Variants in CLBA1 observed in about 807,000 individuals in gnomAD.
CLBA1 encodes the protein uncharacterized protein CLBA1.
A neutral mutation model predicts 28.8 loss-of-function variants in CLBA1; 30 were observed. The ratio of observed to expected loss-of-function variants is 1.04; its 90% CI spans 0.78 to 1.41. The LOEUF is 1.41. CLBA1 is among the 40% of genes most tolerant of loss of function. The probability of loss-of-function intolerance (pLI) is 0.00; values close to 1 mark genes in which losing one functional copy is unlikely to be tolerated. For synonymous variants in CLBA1, 160 were observed against 152.8 expected, an observed-to-expected ratio of 1.05 and a Z score of -0.35; for missense variants, 451 against 412.3, an observed-to-expected ratio of 1.09 and a Z score of -0.81.
At chr14:104,998,656 TAC>T (rs1461474361), downstream of CLBA1, among the ~76,000 whole-genome samples, 2 of 152,170 alleles carry the variant, frequency 1.3e-5, no homozygotes, top group African/African-American at 4.8e-5. Flanking sequence ...GGCGGTGAGG[TAC>T]AGTGAGGAAT....
intron 2 of CLBA1, among the ~76,000 whole-genome samples, chr14:105,001,231 C>T (rs966337652): frequency 6.6e-6 from 1 of 152,206 alleles, no homozygotes; most frequent in Non-Finnish European, 1.5e-5. Flanking sequence ...TGTGGTGGCT[C>T]ATGCCTGTAA....
At chr14:104,995,847 G>T (rs375251790), downstream of CLBA1, among the ~76,000 whole-genome samples, 5 of 152,212 alleles carry the variant, frequency 3.3e-5, no homozygotes, top group African/African-American at 1.2e-4. Context: ...GGTACCACAT[G>T]GTTTGGAAAG....
At chr14:104,991,649 C>T in intron 3 of CLBA1, 29 bp downstream of exon 3, 1 of 1,584,066 alleles carries the variant, frequency 6.3e-7, no homozygotes. Flanking sequence ...CACAGGGCTC[C>T]TGGGAGTGTG....
downstream of CLBA1, among the ~76,000 whole-genome samples, chr14:104,999,005 G>A (rs1900215579): frequency 6.6e-6 from 1 of 152,236 alleles, no homozygotes; most frequent in Admixed American, 6.5e-5. Context: ...GAGTGGTGCA[G>A]AGCCAGCCGT....
chr14:104,992,807 G>A lies in CLBA1; in HGVS notation c.700-141G>A, dbSNP rs145543987. ...CAGCGAGTGGCAGGGCGACACAGGG[G>A]AAACTGGTGCGCTGACCTTGAGAGG... On this transcript the variant is annotated intron_variant, in intron 3 of 4. Coordinates refer to ENST00000547315, the MANE Select transcript of CLBA1 (RefSeq NM_174891.4). 7,799 of 790,080 alleles carry A rather than the reference G, an allele frequency of 9.9e-3. 88 individuals are homozygous for A. Among genetic ancestry groups the A allele is most frequent in the Non-Finnish European group, 0.013 (6,028 of 448,538 alleles). The allele number at this position is 790,080 out of a possible 1,614,324, so 48.9% of individuals were successfully genotyped here.
At chr14:104,996,880 A>G (rs1044414715), downstream of CLBA1, among the ~76,000 whole-genome samples, 4 of 152,242 alleles carry the variant, frequency 2.6e-5, no homozygotes, top group African/African-American at 9.6e-5. Context: ...CGGGAAGGAC[A>G]ACTCTGTTCC....
In CLBA1 at chr14:104,986,810, G is replaced by C. The variant is rs1300213132; in HGVS notation, c.379G>C (p.Gly127Arg). 6.2e-7 allele frequency: 1 copy of C among 1,613,516 alleles called. No homozygotes were observed. Among genetic ancestry groups the C allele is most frequent in the Non-Finnish European group, 8.5e-7 (1 of 1,180,002 alleles). The part of the protein sequence containing the change: ...KECSSHQPCQ[G>R]GPWVTGTSAV... ...GTGCAGTTCTCACCAACCATGCCAG[G>C]GTGGACCTTGGGTGACAGGAACTTC... Residue 127 changes from glycine (G) to arginine (R), a missense_variant, in exon 1 of 5, where the codon GGT becomes CGT. Physicochemically the swap from Gly to Arg is moderately radical, Grantham distance 125. Coordinates refer to ENST00000547315, the MANE Select transcript of CLBA1 (RefSeq NM_174891.4).
intron 2 of CLBA1, chr14:104,990,245 C>CT (rs1478857412): frequency 1.3e-5 from 2 of 159,152 alleles, no homozygotes; most frequent in African/African-American, 4.8e-5. Flanking sequence ...CTGGATGGTA[C>CT]TTTGGGGGTG....
intron 2 of CLBA1, 34 bp downstream of exon 2, chr14:104,989,122 T>G: frequency 6.3e-7 from 1 of 1,594,304 alleles, no homozygotes. Flanking sequence ...TTACAGCAAC[T>G]GCTTTTGTAC....
chr14:104,991,922 G>A (rs571903203), intron 3 of CLBA1, among the ~76,000 whole-genome samples: 9 of 151,862 alleles, frequency 5.9e-5, no homozygotes, highest in Admixed American at 1.3e-4. Context: ...TGCCACTGCC[G>A]CCGCCACGCA....
At chr14:104,998,640 TG>T (rs953499108), downstream of CLBA1, among the ~76,000 whole-genome samples, 1 of 152,232 alleles carries the variant, frequency 6.6e-6, no homozygotes, top group Non-Finnish European at 1.5e-5. Context: ...GCAGCTTCTC[TG>T]GGTTGGCGGT....
At chr14:104,990,167 G>A (rs555508037) in intron 2 of CLBA1, 8 of 166,364 alleles carry the variant, frequency 4.8e-5, no homozygotes, top group East Asian at 1.5e-4. Context: ...CACAACTCGC[G>A]GACCCAGAGG....
downstream of CLBA1, among the ~76,000 whole-genome samples, chr14:104,998,696 C>T (rs1283079852): frequency 6.6e-6 from 1 of 152,254 alleles, no homozygotes; most frequent in Admixed American, 6.5e-5. Flanking sequence ...CCCCTGCCCT[C>T]CCAGGCTGAG....
rs755667649 is a variant in CLBA1 at position 104,986,593 on chromosome 14, C to T, written c.162C>T (p.Ile54=). Residue 54 remains isoleucine (I), a synonymous_variant, in exon 1 of 5, where the codon ATC becomes ATT. Coordinates refer to ENST00000547315, the MANE Select transcript of CLBA1 (RefSeq NM_174891.4). ...TCCTGTCCGATGGGAAAGCCAGCATCTCCATGCCCCGTGAGGGCGGTTCCA... is the reference window on the plus strand; with the variant it reads ...TCCTGTCCGATGGGAAAGCCAGCATTTCCATGCCCCGTGAGGGCGGTTCCA... The part of the protein sequence containing the change: ...DLLLSDGKAS[I]SMPREGGSTC... 1.4e-5 allele frequency: 22 copies of T among 1,614,148 alleles called. No homozygotes were observed. The highest frequency in any genetic ancestry group is 2.2e-5 in the East Asian group (1 of 44,872).
chr14:104,988,160 C>G (rs945289515), intron 1 of CLBA1, among the ~76,000 whole-genome samples: 1 of 152,204 alleles, frequency 6.6e-6, no homozygotes, highest in South Asian at 2.1e-4. Flanking sequence ...GAGACTCGCA[C>G]ACGTACACCC....
At position 104,989,080 on chromosome 14, in the gene CLBA1, T is replaced by A; in HGVS notation, c.561T>A (p.His187Gln). ...AAAAACCTGGCGTTGAACGTGTACA[T>A]AAATTGTGGTAATGAACTGAAGAAA... is the stretch of plus-strand genomic sequence containing the variant. ...SEEKPGVERV[H>Q]KLCNESRKLW... Residue 187 changes from histidine (H) to glutamine (Q), a missense_variant, in exon 2 of 5, where the codon CAT becomes CAA. His to Gln is a conservative substitution (Grantham distance 24). Coordinates refer to ENST00000547315, the MANE Select transcript of CLBA1 (RefSeq NM_174891.4). The A allele has an allele frequency of 6.2e-7, 1 of 1,606,118 alleles. No homozygotes were observed. Among genetic ancestry groups the A allele is most frequent in the Non-Finnish European group, 8.5e-7 (1 of 1,177,528 alleles).
chr14:104,986,862 T>C lies in CLBA1; in HGVS notation c.423+8T>C. 6.2e-7 allele frequency: 1 copy of C among 1,611,860 alleles called. No homozygotes were observed. The highest frequency in any genetic ancestry group is 8.5e-7 in the Non-Finnish European group (1 of 1,179,310). Reference sequence around the variant, plus strand: ...GCCGTCCCACCTTCTGAGGTATTTCTGCTGTGCTGTGGTCACCATGTTGAG... The same window carrying C: ...GCCGTCCCACCTTCTGAGGTATTTCCGCTGTGCTGTGGTCACCATGTTGAG... On this transcript the variant is annotated splice_region_variant and intron_variant, in intron 1 of 4. Coordinates refer to ENST00000547315, the MANE Select transcript of CLBA1 (RefSeq NM_174891.4).
chr14:104,986,494 C>T lies in CLBA1; in HGVS notation c.63C>T (p.Ser21=). 1.9e-6 allele frequency: 3 copies of T among 1,613,582 alleles called. No homozygotes were observed. The highest frequency in any genetic ancestry group is 2.2e-5 in the South Asian group (2 of 91,074). ...PLSDLQEEAA[S]ASLRVAPERL... is the part of the protein sequence containing the mutation. Reference sequence around the variant, plus strand: ...GTGACCTCCAGGAGGAAGCAGCCAGCGCTTCCCTCCGAGTGGCACCTGAGA... The same window carrying T: ...GTGACCTCCAGGAGGAAGCAGCCAGTGCTTCCCTCCGAGTGGCACCTGAGA... The change falls in exon 1 of 5, where the codon AGC becomes AGT. Residue 21 remains serine, a synonymous_variant. Transcript: ENST00000547315.
intron 1 of CLBA1, among the ~76,000 whole-genome samples, chr14:104,987,148 A>G (rs1226975116): frequency 6.6e-6 from 1 of 152,194 alleles, no homozygotes; most frequent in Non-Finnish European, 1.5e-5. Flanking sequence ...TCCATTCCCC[A>G]TTGGTGGGGG....
Sources: allele counts gnomAD v4.1 joint callset (sites outside exome capture counted in the v4.1 genomes callset), GRCh38; gene constraint gnomAD v4.1.1; transcripts MANE v1.5; gene names NCBI Gene and HGNC (gene_info 2026-07-23, HGNC 2026-07-21).